Variants in TNRC6B observed in about 807,000 individuals in gnomAD.
TNRC6B encodes trinucleotide repeat containing adaptor 6B.
Under a neutral mutation model 203.6 loss-of-function variants are expected in TNRC6B, and 52 were observed. That is an observed-to-expected ratio of 0.26 (90% CI 0.20 to 0.32). The LOEUF is 0.32. Among genes scored for constraint, TNRC6B ranks in the 10% least tolerant of loss-of-function variants. TNRC6B has a pLI of 1.00. For missense variants in TNRC6B, 1,923 were observed against 2,286.2 expected, an observed-to-expected ratio of 0.84 and a Z score of 3.24; for synonymous variants, 838 against 845.7, an observed-to-expected ratio of 0.99 and a Z score of 0.16.
chr22:40,146,606 G>A (rs1430777864), intron 3 of TNRC6B, among the ~76,000 whole-genome samples: 2 of 126,180 alleles, frequency 1.6e-5, no homozygotes, highest in African/African-American at 3.2e-5. Context: ...TCGCTCTGTC[G>A]CCCAGGCTGG....
intron 4 of TNRC6B, among the ~76,000 whole-genome samples, chr22:40,170,466 A>G (rs2068967802): frequency 5.8e-5 from 1 of 17,096 alleles, no homozygotes; most frequent in Non-Finnish European, 8.0e-5. Flanking sequence ...TATAGTTTAT[A>G]TATATATTAT....
chr22:40,222,678 T>C (rs560388459), intron 1 of TNRC6B, among the ~76,000 whole-genome samples: 2 of 151,790 alleles, frequency 1.3e-5, no homozygotes, highest in Non-Finnish European at 2.9e-5. Flanking sequence ...TTTTATCCTT[T>C]TATGCAGTTT....
rs1229971599 is a variant in TNRC6B, at chr22:40,266,126, A to C, written c.1896A>C (p.Thr632=). 5 of 1,613,934 alleles carry C rather than the reference A, an allele frequency of 3.1e-6. No individual in the cohort carries two copies. The South Asian group carries it at 4.4e-5, about 14-fold the overall frequency. ...GCCAAACTCAAATTAAGCAGGACAC[A>C]GTGTGGGACATTGAAGAGGTGCCAA... ...GWGQTQIKQD[T]VWDIEEVPRP... is the part of the protein sequence containing the mutation. The change falls in exon 5 of 23, where the codon ACA becomes ACC. Residue 632 remains threonine (T), a synonymous_variant. Coordinates refer to ENST00000454349, the MANE Select transcript of TNRC6B (RefSeq NM_001162501.2).
chr22:40,280,274 C>A, intron 10 of TNRC6B, 131 bp downstream of exon 10: 2 of 850,054 alleles, frequency 2.4e-6, no homozygotes, highest in Non-Finnish European at 3.6e-6. Flanking sequence ...ACATCACCTG[C>A]ATTAACGTGG....
intron 1 of TNRC6B, among the ~76,000 whole-genome samples, chr22:40,239,981 C>T (rs1309490224): frequency 6.6e-6 from 1 of 151,984 alleles, no homozygotes; most frequent in East Asian, 1.9e-4. Context: ...GGGTAGCCCG[C>T]CACCATGCCC....
intron 1 of TNRC6B, among the ~76,000 whole-genome samples, chr22:40,103,669 G>A (rs2068258900): frequency 6.6e-6 from 1 of 151,758 alleles, no homozygotes; most frequent in African/African-American, 2.4e-5. Context: ...TTGAGGTGGA[G>A]TCTCACTTTG....
chr22:40,319,722 C>T (rs1197887191), intron 21 of TNRC6B, among the ~76,000 whole-genome samples: 2 of 152,140 alleles, frequency 1.3e-5, no homozygotes, highest in Non-Finnish European at 1.5e-5. Flanking sequence ...CCGCACCTGG[C>T]AACTTTTCTA....
intron 12 of TNRC6B, among the ~76,000 whole-genome samples, chr22:40,295,812 G>C (rs1601499337): frequency 6.6e-6 from 1 of 152,158 alleles, no homozygotes; most frequent in South Asian, 2.1e-4. Flanking sequence ...CATTGCCTTG[G>C]ACTAGTTGTG....
intron 3 of TNRC6B, among the ~76,000 whole-genome samples, chr22:40,251,732 A>AG (rs1339019095): frequency 1.3e-5 from 2 of 152,154 alleles, no homozygotes; most frequent in African/African-American, 2.4e-5. Flanking sequence ...AAAAAAAAAA[A>AG]GTATATGGGT....
chr22:40,205,054 T>G (rs2069462474), intron 1 of TNRC6B, among the ~76,000 whole-genome samples: 1 of 152,226 alleles, frequency 6.6e-6, no homozygotes, highest in African/African-American at 2.4e-5. Context: ...TAACATATGT[T>G]AATTTTCACA....
chr22:40,123,977 A>C (rs945229818), intron 2 of TNRC6B, among the ~76,000 whole-genome samples: 2 of 149,880 alleles, frequency 1.3e-5, no homozygotes, highest in African/African-American at 5.0e-5. Context: ...ACTTGCTGTG[A>C]GCATCCCTCA....
At chr22:40,282,442 A>G (rs2070730675) in intron 11 of TNRC6B, among the ~76,000 whole-genome samples, 1 of 152,222 alleles carries the variant, frequency 6.6e-6, no homozygotes, top group Non-Finnish European at 1.5e-5. Flanking sequence ...ACATGGATAT[A>G]TACTGTTTAT....
At chr22:40,137,985 A>G (rs2068614674) in intron 3 of TNRC6B, among the ~76,000 whole-genome samples, 1 of 90,752 alleles carries the variant, frequency 1.1e-5, no homozygotes, top group Non-Finnish European at 2.3e-5. Flanking sequence ...TGTATCTCAA[A>G]AAAAAAAAAA....
At chr22:40,313,078 T>G (rs1438904888) in intron 19 of TNRC6B, 81 bp downstream of exon 19, 6 of 1,085,026 alleles carry the variant, frequency 5.5e-6, no homozygotes, top group Non-Finnish European at 8.3e-6. Flanking sequence ...TGGCATGTAT[T>G]TCATAAGATA....
At chr22:40,132,948 A>ATAAAAAATAAAAAAAAAAAAAT (rs1393420363) in intron 3 of TNRC6B, among the ~76,000 whole-genome samples, 1 of 90,336 alleles carries the variant, frequency 1.1e-5, no homozygotes, top group East Asian at 2.6e-4. Context: ...TGTCTCAAAA[A>ATAAAAAATAAAAAAAAAAAAAT]AAAAAAAAAA....
intron 21 of TNRC6B, among the ~76,000 whole-genome samples, chr22:40,316,562 A>G (rs2071262160): frequency 6.6e-6 from 1 of 152,124 alleles, no homozygotes; most frequent in South Asian, 2.1e-4. Context: ...AGGTGGGAGG[A>G]TCACTTGAGC....
rs759765630 is a variant in TNRC6B, at chr22:40,265,120, C to G, written c.890C>G (p.Ser297Cys). The change falls in exon 5 of 23, where the codon TCT becomes TGT. Residue 297 changes from serine to cysteine, a missense_variant. Ser to Cys is a moderately radical substitution (Grantham distance 112, BLOSUM62 -1). This residue lies in a region of TNRC6B where 614 missense variants were observed against 587.7 expected (regional missense o/e 1.04). Coordinates refer to ENST00000454349, the MANE Select transcript of TNRC6B (RefSeq NM_001162501.2). ...VSGQDRIGPG[S>C]GFSNFNPNSN... ...GGTCAGGATAGAATTGGACCTGGCT[C>G]TGGCTTCAGCAACTTTAACCCAAAT... 1.2e-6 allele frequency: 2 copies of G among 1,613,990 alleles called. No homozygotes were observed. Among genetic ancestry groups the G allele is most frequent in the Non-Finnish European group, 1.7e-6 (2 of 1,179,884 alleles).
intron 3 of TNRC6B, among the ~76,000 whole-genome samples, chr22:40,149,273 A>G (rs1422420737): frequency 6.6e-6 from 1 of 152,190 alleles, no homozygotes; most frequent in Non-Finnish European, 1.5e-5. Flanking sequence ...AAGAGTACAT[A>G]CTGTTTGATT....
intron 12 of TNRC6B, among the ~76,000 whole-genome samples, chr22:40,290,946 A>G (rs1474689075): frequency 6.6e-6 from 1 of 152,230 alleles, no homozygotes; most frequent in Admixed American, 6.5e-5. Context: ...CTCTACCCAA[A>G]AAAGAAAATT....
Sources: allele counts gnomAD v4.1 joint callset (sites outside exome capture counted in the v4.1 genomes callset), GRCh38; gene constraint gnomAD v4.1.1; regional missense constraint gnomAD v4.1.1; transcripts MANE v1.5; gene names NCBI Gene and HGNC (gene_info 2026-07-23, HGNC 2026-07-21).